Variants in CACNA1S observed in about 807,000 individuals in gnomAD.
The protein encoded by CACNA1S is calcium voltage-gated channel subunit alpha1 S, also known as voltage-dependent L-type calcium channel subunit alpha-1S.
CACNA1S carries 126 observed loss-of-function variants against 207.4 expected under a neutral mutation model. The observed-to-expected ratio is 0.61, with a 90% CI of 0.53 to 0.70. CACNA1S has a LOEUF of 0.70. CACNA1S is among the 30% of genes least tolerant of loss of function. The pLI is 0.00. For missense variants in CACNA1S, 2,349 were observed against 2,422.8 expected, an observed-to-expected ratio of 0.97 and a Z score of 0.64; for synonymous variants, 960 against 932.7, an observed-to-expected ratio of 1.03 and a Z score of -0.53.
chr1:201,054,587 G>A (rs773687544), intron 28 of CACNA1S, 26 bp from the exon 29 acceptor site: 2 of 1,597,132 alleles, frequency 1.3e-6, no homozygotes, highest in Non-Finnish European at 1.7e-6. Context: ...ACGAAGGGAG[G>A]GGAAGGAGAG....
intron 33 of CACNA1S, 105 bp downstream of exon 33, chr1:201,050,879 G>T: frequency 8.3e-7 from 1 of 1,209,530 alleles, no homozygotes; most frequent in Non-Finnish European, 1.2e-6. Flanking sequence ...TCCCCGAGAT[G>T]AATCCCAGGA....
chr1:201,040,586 G>A lies in CACNA1S; in HGVS notation c.5226+36C>T, dbSNP rs933149880. The A allele has an allele frequency of 3.8e-6, 6 of 1,579,486 alleles. No homozygotes were observed. The African/African-American group carries it at 6.8e-5, about 18-fold the overall frequency. ...AAGTATCAGGCCAGGCAGGGTCTCT[G>A]TATGGAGTTTGCTCCCAGGCCTCTG... is the stretch of plus-strand genomic sequence containing the variant. On this transcript the variant is annotated intron_variant, in intron 42 of 43. Transcript: ENST00000362061.
intron 3 of CACNA1S, among the ~76,000 whole-genome samples, chr1:201,093,166 C>A (rs1282628489): frequency 6.6e-6 from 1 of 152,172 alleles, no homozygotes; most frequent in Non-Finnish European, 1.5e-5. Flanking sequence ...AAGCCCTAAC[C>A]CCTAGCACCT....
chr1:201,110,167 G>A lies in CACNA1S; in HGVS notation c.255C>T (p.Gly85=), dbSNP rs1327335080. 6.2e-7 allele frequency: 1 copy of A among 1,613,862 alleles called. No homozygotes were observed. Among genetic ancestry groups the A allele is most frequent in the African/African-American group, 1.3e-5 (1 of 74,930 alleles). Residue 85 remains glycine, a synonymous_variant, in exon 2 of 44, where the codon GGC becomes GGT. Transcript: ENST00000362061. ...PEDDNNSLNL[G]LEKLEYFFLI... is the part of the protein sequence containing the mutation. Reference sequence around the variant, plus strand: ...GAGATGGAAGGGCCAATCTTACCAGGCCGAGGTTCAGAGAGTTGTTGTCAT... The same window carrying A: ...GAGATGGAAGGGCCAATCTTACCAGACCGAGGTTCAGAGAGTTGTTGTCAT...
At chr1:201,071,437 C>T (rs1661433497) in intron 16 of CACNA1S, among the ~76,000 whole-genome samples, 1 of 152,198 alleles carries the variant, frequency 6.6e-6, no homozygotes, top group Non-Finnish European at 1.5e-5. Context: ...ACCATTAATT[C>T]TTCGAGTTAG....
intron 3 of CACNA1S, 125 bp downstream of exon 3, chr1:201,093,757 C>T: frequency 8.3e-7 from 1 of 1,209,398 alleles, no homozygotes; most frequent in Non-Finnish European, 1.2e-6. Context: ...ACAGAGGCTG[C>T]TCCATGCAGT....
Position 201,077,930 on chromosome 1 carries a change from C to A in CACNA1S, c.1568G>T (p.Gly523Val). 2 of 1,614,112 alleles carry A rather than the reference C, an allele frequency of 1.2e-6. No individual in the cohort carries two copies. The highest frequency in any genetic ancestry group is 8.5e-7 in the Non-Finnish European group (1 of 1,179,970). Reference protein sequence around the residue: ...LVESGAMTPLGISVLRCIRLL... With the variant: ...LVESGAMTPLVISVLRCIRLL... Reference sequence around the variant, plus strand: ...GCGGATGCAGCGGAGCACGGAGATGCCCAGGGGTGTCATGGCACCCGACTC... The same window carrying A: ...GCGGATGCAGCGGAGCACGGAGATGACCAGGGGTGTCATGGCACCCGACTC... Residue 523 changes from glycine (G) to valine (V), a missense_variant, in exon 11 of 44, where the codon GGC becomes GTC. Physicochemically the swap from Gly to Val is moderately radical, Grantham distance 109 (BLOSUM62 -3). Transcript: ENST00000362061.
At chr1:201,091,580 C>T (rs1490048347) in intron 5 of CACNA1S, 60 bp downstream of exon 5, 3 of 1,596,956 alleles carry the variant, frequency 1.9e-6, no homozygotes, top group Non-Finnish European at 2.6e-6. Context: ...GGTAGGGTGG[C>T]TCCCCCTTCT....
rs769367201 is a variant in CACNA1S at position 201,077,986 on chromosome 1, C to T, written c.1512G>A (p.Val504=). Residue 504 remains valine, a synonymous_variant, in exon 11 of 44, where the codon GTG becomes GTA. Coordinates refer to ENST00000362061, the MANE Select transcript of CACNA1S (RefSeq NM_000069.3). ...GCAGGATCTCCAGGATACCGCTACA[C>T]ACCACGAAGCAGTCGAAGCGGTTGA... ...SIFNRFDCFV[V]CSGILEILLV... 1.2e-6 allele frequency: 2 copies of T among 1,614,162 alleles called. No individual in the cohort carries two copies. Among genetic ancestry groups the T allele is most frequent in the South Asian group, 1.1e-5 (1 of 91,090 alleles).
chr1:201,063,951 T>C (rs1454609490), intron 22 of CACNA1S, among the ~76,000 whole-genome samples: 3 of 152,046 alleles, frequency 2.0e-5, no homozygotes, highest in Non-Finnish European at 4.4e-5. Context: ...TTCCACAGAG[T>C]CAAAAGCGAC....
At chr1:201,047,670 G>A in intron 36 of CACNA1S, 44 bp from the exon 37 acceptor site, 1 of 1,310,316 alleles carries the variant, frequency 7.6e-7, no homozygotes, top group South Asian at 1.2e-5. Context: ...CACACCAACT[G>A]CACTTGACAA....
chr1:201,078,095 T>C lies in CACNA1S; in HGVS notation c.1403A>G (p.Asn468Ser), dbSNP rs781085349. 3 of 1,613,848 alleles carry C rather than the reference T, an allele frequency of 1.9e-6. No individual in the cohort carries two copies. Among genetic ancestry groups the C allele is most frequent in the East Asian group, 2.2e-5 (1 of 44,904 alleles). Residue 468 changes from asparagine (N) to serine (S), a missense_variant, in exon 11 of 44, where the codon AAC becomes AGC. Coordinates refer to ENST00000362061, the MANE Select transcript of CACNA1S (RefSeq NM_000069.3). ...LWLTRLQDIA[N>S]RVLLSLFTTE... Reference sequence around the variant, plus strand: ...GGTGAAGAGGGACAGCAGCACCCGGTTGGCAATGTCTGTAGGGTTGGTGGC... The same window carrying C: ...GGTGAAGAGGGACAGCAGCACCCGGCTGGCAATGTCTGTAGGGTTGGTGGC...
At chr1:201,055,870 G>A (rs572115220) in intron 28 of CACNA1S, among the ~76,000 whole-genome samples, 13 of 152,144 alleles carry the variant, frequency 8.5e-5, no homozygotes, top group Admixed American at 2.0e-4. Flanking sequence ...CCAGGCTTCC[G>A]CTACACAGAC....
rs201463541 is a variant in CACNA1S at position 201,048,608 on chromosome 1, C to A, written c.4415G>T (p.Arg1472Leu). The A allele has an allele frequency of 4.3e-6, 7 of 1,613,542 alleles. No individual in the cohort carries two copies. The African/African-American group carries it at 5.3e-5, about 12-fold the overall frequency. Residue 1472 changes from arginine to leucine, a missense_variant, in exon 36 of 44, where the codon CGC becomes CTC. Transcript: ENST00000362061. The stretch of plus-strand genomic sequence containing the variant: ...TTCCGTCTTGATCTTGAGTGCCGTG[C>A]GGACCAGGGCAAAGAGTGTGGCATT... ...TFNATLFALV[R>L]TALKIKTEGN...
chr1:201,099,674 C>T (rs1662565302), intron 2 of CACNA1S, among the ~76,000 whole-genome samples: 1 of 152,102 alleles, frequency 6.6e-6, no homozygotes. Context: ...CTCAAATGTC[C>T]CCTCCCTCTT....
chr1:201,072,656 T>G lies in CACNA1S; in HGVS notation c.2227+99A>C, dbSNP rs1290783438. On this transcript the variant is annotated intron_variant, in intron 16 of 43. Coordinates refer to ENST00000362061, the MANE Select transcript of CACNA1S (RefSeq NM_000069.3). Reference sequence around the variant, plus strand: ...TGATCTCCACATGGAGGGGTACAGGTAGGGACACACAAGAGACTGCCCATG... The same window carrying G: ...TGATCTCCACATGGAGGGGTACAGGGAGGGACACACAAGAGACTGCCCATG... 2.9e-5 allele frequency: 25 copies of G among 854,870 alleles called. No individual in the cohort carries two copies. The Admixed American group carries it at 4.2e-4, about 14-fold the overall frequency. The allele number at this position is 854,870 out of a possible 1,614,324, so 53.0% of individuals were successfully genotyped here. A position where few individuals can be genotyped will look rare whatever the true frequency, so the allele number is the denominator to read the frequency against.
At chr1:201,106,679 G>A (rs372211116) in intron 2 of CACNA1S, among the ~76,000 whole-genome samples, 117 of 152,106 alleles carry the variant, frequency 7.7e-4, no homozygotes, top group African/African-American at 2.6e-3. Flanking sequence ...TGCCACAAGC[G>A]CCTCCTCCTA....
Position 201,053,095 on chromosome 1 carries a change from G to T in CACNA1S, c.3861+114C>A. 2 of 1,184,844 alleles carry T rather than the reference G, an allele frequency of 1.7e-6. No individual in the cohort carries two copies. The highest frequency in any genetic ancestry group is 1.5e-5 in the African/African-American group (1 of 66,700). 73.4% of individuals were successfully genotyped at this position (1,184,844 alleles called of 1,614,324 possible). A position where few individuals can be genotyped will look rare whatever the true frequency, so the allele number is the denominator to read the frequency against. ...TCCCTCCTTCTTTCTCACGAGCAAG[G>T]CAGGGAGGGCGGAGGGTCCAGCCCG... On this transcript the variant is annotated intron_variant, in intron 31 of 43. Coordinates refer to ENST00000362061, the MANE Select transcript of CACNA1S (RefSeq NM_000069.3). The surrounding 1 kb of genome is among the most constrained non-coding windows in gnomAD (Gnocchi z 5.1).
intron 4 of CACNA1S, 59 bp downstream of exon 4, chr1:201,091,913 G>C: frequency 6.2e-7 from 1 of 1,610,882 alleles, no homozygotes; most frequent in South Asian, 1.1e-5. Flanking sequence ...CCCAGAACTG[G>C]GGGACAAGGG....
Sources: gnomAD v4.1 joint callset for allele counts (sites outside exome capture counted in the v4.1 genomes callset) on GRCh38, gnomAD v4.1.1 for gene constraint, Gnocchi (gnomAD v3.1) non-coding constraint, MANE v1.5 for transcripts, NCBI Gene and HGNC (gene_info 2026-07-23, HGNC 2026-07-21) for gene names.